TMEM126A: variants seen among roughly 807,000 people sequenced by gnomAD.
The protein encoded by TMEM126A is transmembrane protein 126A, also known as optic atrophy 7.
Under a neutral mutation model 18.3 loss-of-function variants are expected in TMEM126A, and 10 were observed. The ratio of observed to expected loss-of-function variants is 0.55; its 90% CI spans 0.34 to 0.93. The LOEUF (loss-of-function observed/expected upper bound fraction) is 0.93. Among genes scored for constraint, TMEM126A ranks in the 40% least tolerant of loss-of-function variants. The pLI is 0.02. For synonymous variants in TMEM126A, 68 were observed against 78.1 expected (o/e 0.87, Z 0.68); for missense variants, 246 against 230.2 (o/e 1.07, Z -0.44).
At chr11:85,652,578 G>A (rs1642242375) in intron 2 of TMEM126A, among the ~76,000 whole-genome samples, 1 of 152,116 alleles carries the variant, frequency 6.6e-6, no homozygotes, top group Non-Finnish European at 1.5e-5. Context: ...AAAGTCATGA[G>A]TTTTTAGTTG....
intron 2 of TMEM126A, among the ~76,000 whole-genome samples, chr11:85,653,722 G>C (rs1036002157): frequency 6.6e-6 from 1 of 152,120 alleles, no homozygotes; most frequent in African/African-American, 2.4e-5. Flanking sequence ...TCTGTGTCAG[G>C]CTGAATACAT....
chr11:85,649,250 TGTTACCCTGAAACCTGA>T (rs1233151201), intron 1 of TMEM126A, among the ~76,000 whole-genome samples: 3 of 152,206 alleles, frequency 2.0e-5, no homozygotes, highest in Non-Finnish European at 4.4e-5. Context: ...TTTTCTTAAC[TGTTACCCTGAAACCTGA>T]GCCAAATCTT....
In TMEM126A at chr11:85,648,005, G is replaced by C. The variant is rs904378573; in HGVS notation, c.-92G>C. ...AGTCAGCCAAAGATGGCTGCGCCCAGGTAATTTGAGCAAAGGCCACAGTGA... is the reference window on the plus strand; with the variant it reads ...AGTCAGCCAAAGATGGCTGCGCCCACGTAATTTGAGCAAAGGCCACAGTGA... On this transcript the variant is annotated 5_prime_UTR_variant, in exon 1 of 5. Coordinates refer to ENST00000304511, the MANE Select transcript of TMEM126A (RefSeq NM_032273.4). 2 of 152,322 alleles carry C rather than the reference G, an allele frequency of 1.3e-5. No individual in the cohort carries two copies. Among genetic ancestry groups the C allele is most frequent in the East Asian group, 3.9e-4 (2 of 5,182 alleles). The allele number at this position is 152,322 out of a possible 1,614,324, so 9.4% of individuals were successfully genotyped here.
intron 1 of TMEM126A, among the ~76,000 whole-genome samples, chr11:85,649,623 G>A (rs2082485232): frequency 6.6e-6 from 1 of 152,104 alleles, no homozygotes; most frequent in Non-Finnish European, 1.5e-5. Context: ...CCCACAGAAT[G>A]TACACAGAAT....
At chr11:85,650,938 A>G (rs1397918582) in intron 2 of TMEM126A, among the ~76,000 whole-genome samples, 1 of 151,890 alleles carries the variant, frequency 6.6e-6, no homozygotes, top group Non-Finnish European at 1.5e-5. Context: ...GCGTGGTGGC[A>G]GGTGCCTGTA....
chr11:85,654,187 A>G lies in TMEM126A; in HGVS notation c.211A>G (p.Met71Val). 1 of 1,614,226 alleles carries G rather than the reference A, an allele frequency of 6.2e-7. No individual in the cohort carries two copies. The highest frequency in any genetic ancestry group is 8.5e-7 in the Non-Finnish European group (1 of 1,180,040). The change falls in exon 3 of 5, where the codon ATG becomes GTG. Residue 71 changes from methionine (M) to valine (V), a missense_variant. By Grantham distance (21) the Met-to-Val change is conservative (BLOSUM62 1). Transcript: ENST00000304511. ...GGCTCGCATAGCTGCTGGCTTACCAATGGCAGGGATACCTTTTCTTACAAC... is the reference window on the plus strand; with the variant it reads ...GGCTCGCATAGCTGCTGGCTTACCAGTGGCAGGGATACCTTTTCTTACAAC... ...TKARIAAGLP[M>V]AGIPFLTTDL...
intron 2 of TMEM126A, 141 bp downstream of exon 2, chr11:85,650,482 C>T (rs1565799091): frequency 1.0e-5 from 7 of 687,894 alleles, no homozygotes; most frequent in South Asian, 3.4e-5. Flanking sequence ...TGGATGAGAG[C>T]GTTTAACCAT....
At chr11:85,649,735 C>A (rs1174789720) in intron 1 of TMEM126A, among the ~76,000 whole-genome samples, 1 of 152,146 alleles carries the variant, frequency 6.6e-6, no homozygotes, top group Non-Finnish European at 1.5e-5. Flanking sequence ...TGGGTTGTTC[C>A]CCCAGTTATA....
At chr11:85,655,240 T>C (rs1038067773) in intron 3 of TMEM126A, among the ~76,000 whole-genome samples, 2 of 152,210 alleles carry the variant, frequency 1.3e-5, no homozygotes, top group Non-Finnish European at 2.9e-5. Context: ...ACAATTTCTA[T>C]GATCAAGGAA....
Position 85,656,328 on chromosome 11 carries a change from C to T in TMEM126A, c.415C>T (p.Pro139Ser). Residue 139 changes from proline to serine, a missense_variant, in exon 5 of 5, where the codon CCA becomes TCA. Pro to Ser is a moderately conservative substitution (Grantham distance 74). Transcript: ENST00000304511. ...TTACAGGTATCAATCAGCTCTGTTA[C>T]CACACAAAGGGAACATCTTAAGTTA... ...LAARYQSALL[P>S]HKGNILSYWI... 3 of 1,611,572 alleles carry T rather than the reference C, an allele frequency of 1.9e-6. No homozygotes were observed. The highest frequency in any genetic ancestry group is 2.5e-6 in the Non-Finnish European group (3 of 1,179,434).
chr11:85,654,239 G>C lies in TMEM126A; in HGVS notation c.263G>C (p.Ser88Thr), dbSNP rs768885199. ...GACTTAACTTACAGATGTTTTGTAA[G>C]TTTTCCTTTGAATACAGGTAAATTC... ...TTDLTYRCFV[S>T]FPLNTGDLDC... The change falls in exon 3 of 5, where the codon AGT becomes ACT. Residue 88 changes from serine (S) to threonine (T), a missense_variant. By Grantham distance (58) the Ser-to-Thr change is moderately conservative (BLOSUM62 1). Coordinates refer to ENST00000304511, the MANE Select transcript of TMEM126A (RefSeq NM_032273.4). 3.1e-6 allele frequency: 5 copies of C among 1,614,088 alleles called. No homozygotes were observed. Among genetic ancestry groups the C allele is most frequent in the Non-Finnish European group, 4.2e-6 (5 of 1,180,000 alleles).
rs1236914690 is a variant in TMEM126A at position 85,648,049 on chromosome 11, A to AAGAC, written c.-46_-45insACAG. 1 of 134,676 alleles carries AAGAC rather than the reference A, an allele frequency of 7.4e-6. No homozygotes were observed. The highest frequency in any genetic ancestry group is 3.0e-5 in the African/African-American group (1 of 33,460). The allele number at this position is 134,676 out of a possible 1,614,324, so 8.3% of individuals were successfully genotyped here. On this transcript the variant is annotated 5_prime_UTR_variant, in exon 1 of 5. Coordinates refer to ENST00000304511, the MANE Select transcript of TMEM126A (RefSeq NM_032273.4). ...ACAGTGAACTCCGGCGTGGCTGAGG[A>AAGAC]AGGAGGAGGCACCCACAGGCTGCTG... is the stretch of plus-strand genomic sequence containing the variant.
intron 2 of TMEM126A, among the ~76,000 whole-genome samples, chr11:85,651,212 G>A (rs1318702163): frequency 3.3e-5 from 5 of 152,094 alleles, no homozygotes; most frequent in Admixed American, 6.5e-5. Context: ...GACTATAAAA[G>A]GATGAAAAGC....
At chr11:85,649,793 T>C (rs1348375561) in intron 1 of TMEM126A, among the ~76,000 whole-genome samples, 1 of 152,216 alleles carries the variant, frequency 6.6e-6, no homozygotes, top group African/African-American at 2.4e-5. Context: ...AACTTTCCTT[T>C]TTGTGAAGTG....
intron 2 of TMEM126A, among the ~76,000 whole-genome samples, chr11:85,651,588 C>A (rs138757101): frequency 6.6e-6 from 1 of 152,076 alleles, no homozygotes; most frequent in Non-Finnish European, 1.5e-5. Flanking sequence ...GGAATAGAAA[C>A]TGAACAAATC....
chr11:85,654,295 GTA>G (rs774073139), intron 3 of TMEM126A, 39 bp downstream of exon 3: 6 of 1,594,700 alleles, frequency 3.8e-6, no homozygotes, highest in African/African-American at 2.7e-5. Flanking sequence ...GTTTGCCTTA[GTA>G]TATGTTATTT....
chr11:85,654,412 A>G (rs1200890704), intron 3 of TMEM126A, among the ~76,000 whole-genome samples, 156 bp downstream of exon 3: 3 of 152,236 alleles, frequency 2.0e-5, no homozygotes, highest in Admixed American at 2.0e-4. Context: ...TCATATTAGT[A>G]TGGTCTACCA....
At position 85,654,049 on chromosome 11, in the gene TMEM126A, T is replaced by G. The variant is rs576848384; in HGVS notation, c.87-14T>G. ...ATAATGCCAAAGAAAAGTTCTTTCT[T>G]CTCACCCTTTCAGGAATCTACTTGA... On this transcript the variant is annotated splice_polypyrimidine_tract_variant and intron_variant, in intron 2 of 4. Coordinates refer to ENST00000304511, the MANE Select transcript of TMEM126A (RefSeq NM_032273.4). 6.2e-7 allele frequency: 1 copy of G among 1,614,138 alleles called. No individual in the cohort carries two copies. The highest frequency in any genetic ancestry group is 8.5e-7 in the Non-Finnish European group (1 of 1,179,984).
Position 85,656,464 on chromosome 11 carries a change from C to T in TMEM126A, c.551C>T (p.Ala184Val). Residue 184 changes from alanine to valine, a missense_variant, in exon 5 of 5, where the codon GCC becomes GTC. Coordinates refer to ENST00000304511, the MANE Select transcript of TMEM126A (RefSeq NM_032273.4). ...GAACAATATAAACTACTTATAAAGG[C>T]CCTTCAGTTATCTGAACCTGGCAAA... ...GSEQYKLLIK[A>V]LQLSEPGKEI... is the part of the protein sequence containing the mutation. The T allele has an allele frequency of 6.2e-7, 1 of 1,613,108 alleles. No individual in the cohort carries two copies. Among genetic ancestry groups the T allele is most frequent in the Non-Finnish European group, 8.5e-7 (1 of 1,179,548 alleles).
Sources: gnomAD v4.1 joint callset for allele counts (sites outside exome capture counted in the v4.1 genomes callset) on GRCh38, gnomAD v4.1.1 for gene constraint, MANE v1.5 for transcripts, NCBI Gene and HGNC (gene_info 2026-07-23, HGNC 2026-07-21) for gene names.